MRPL3: variants seen among roughly 807,000 people sequenced by gnomAD.
The protein encoded by MRPL3 is large ribosomal subunit protein uL3m.
A neutral mutation model predicts 44.3 loss-of-function variants in MRPL3; 43 were observed. The observed-to-expected ratio is 0.97, with a 90% confidence interval of 0.76 to 1.25. The LOEUF is 1.25. MRPL3 is among the 50% of genes most tolerant of loss of function. MRPL3 has a pLI of 0.00. For synonymous variants in MRPL3, 171 were observed against 152.3 expected, an observed-to-expected ratio of 1.12 and a Z score of -0.91; for missense variants, 406 against 427.6, an observed-to-expected ratio of 0.95 and a Z score of 0.45.
At position 131,487,741 on chromosome 3, in the gene MRPL3, C is replaced by T; in HGVS notation, c.569-1G>A. The T allele has an allele frequency of 6.2e-7, 1 of 1,606,350 alleles. No individual in the cohort carries two copies. The highest frequency in any genetic ancestry group is 8.5e-7 in the Non-Finnish European group (1 of 1,177,992). ...AAGTGAGCAGCATAAAGAGGAGTGC[C>T]TTTATGAAAAGAAAATGAAAAATCA... On this transcript the variant is annotated splice_acceptor_variant, in intron 5 of 9. Coordinates refer to ENST00000264995, the MANE Select transcript of MRPL3 (RefSeq NM_007208.4). LOFTEE classifies it high-confidence loss of function.
At chr3:131,465,626 A>G (rs1933583448) in intron 9 of MRPL3, among the ~76,000 whole-genome samples, 1 of 152,178 alleles carries the variant, frequency 6.6e-6, no homozygotes, top group Admixed American at 6.5e-5. Flanking sequence ...TATAAAAAAT[A>G]ATCCTTCTCC....
Position 131,468,162 on chromosome 3 carries a change from T to G in MRPL3, c.823A>C (p.Arg275=), listed in dbSNP as rs1033754328. The G allele has an allele frequency of 6.3e-7, 1 of 1,582,938 alleles. No individual in the cohort carries two copies. The highest frequency in any genetic ancestry group is 8.6e-7 in the Non-Finnish European group (1 of 1,167,542). The change falls in exon 9 of 10, where the codon AGA becomes CGA. Residue 275 remains arginine (R), a synonymous_variant. Coordinates refer to ENST00000264995, the MANE Select transcript of MRPL3 (RefSeq NM_007208.4). The stretch of plus-strand genomic sequence containing the variant: ...ATTATGTTGTGCTTTGTGTTTATTC[T>G]CCACACCTAAAGCATGAAATAAAAC... The part of the protein sequence containing the change: ...YRTEYGLKVW[R]INTKHNIIYV...
chr3:131,499,312 T>C (rs73870984), intron 3 of MRPL3, among the ~76,000 whole-genome samples: 11,105 of 152,250 alleles, frequency 0.073, 1,257 homozygotes, highest in African/African-American at 0.24. Flanking sequence ...ACTTGGGTTA[T>C]TTCTAGTTTG....
chr3:131,478,102 A>G (rs1303282796), intron 6 of MRPL3, among the ~76,000 whole-genome samples: 1 of 152,216 alleles, frequency 6.6e-6, no homozygotes, highest in Non-Finnish European at 1.5e-5. Flanking sequence ...TAATGGCAGA[A>G]TAAGTTAGTT....
chr3:131,502,046 T>TGG (rs1934511183), intron 1 of MRPL3: 5 of 745,930 alleles, frequency 6.7e-6, no homozygotes, highest in Non-Finnish European at 1.1e-5. Context: ...TTACATTCAG[T>TGG]GGAGGTGGCA....
chr3:131,492,099 G>A (rs1005904103), intron 4 of MRPL3, among the ~76,000 whole-genome samples: 2 of 152,180 alleles, frequency 1.3e-5, no homozygotes, highest in African/African-American at 4.8e-5. Context: ...ATTTTTGCAT[G>A]ACTGGCTCCC....
At chr3:131,487,815 T>C (rs1934163201) in intron 5 of MRPL3, 75 bp from the exon 6 acceptor site, 2 of 1,180,946 alleles carry the variant, frequency 1.7e-6, no homozygotes, top group Non-Finnish European at 2.5e-6. Context: ...ATAAACTATA[T>C]CCAGGAAGGC....
chr3:131,468,083 A>T lies in MRPL3; in HGVS notation c.894+8T>A. 1 of 1,487,916 alleles carries T rather than the reference A, an allele frequency of 6.7e-7. No homozygotes were observed. The highest frequency in any genetic ancestry group is 1.4e-5 in the African/African-American group (1 of 69,864). 92.2% of individuals were successfully genotyped at this position (1,487,916 alleles called of 1,614,324 possible). On this transcript the variant is annotated splice_region_variant and intron_variant, in intron 9 of 9. Transcript: ENST00000264995. ...AAAAGGAAAAAAAAAGAAGACACTT[A>T]TACTTACCTTTACTAAGCAATTTTT...
At position 131,465,463 on chromosome 3, in the gene MRPL3, C is replaced by T. The variant is rs542073708; in HGVS notation, c.895-2588G>A. On this transcript the variant is annotated intron_variant, in intron 9 of 9. Coordinates refer to ENST00000264995, the MANE Select transcript of MRPL3 (RefSeq NM_007208.4). ...TGGTAACAGGGATATTGTAGAAGTA[C>T]TTGAGAAGATGTTGTAGTAGTACTT... Among the ~76,000 whole-genome samples the T allele has an allele frequency of 2.6e-5, 4 of 152,222 alleles. No individual in the cohort carries two copies. The South Asian group carries it at 6.2e-4, about 24-fold the overall frequency.
Position 131,476,621 on chromosome 3 carries a change from G to A in MRPL3, c.630-5342C>T, listed in dbSNP as rs7642769. Among the ~76,000 whole-genome samples, 552 of 152,174 alleles carry A rather than the reference G, an allele frequency of 3.6e-3. 2 individuals carry two copies. The highest frequency in any genetic ancestry group is 0.012 in the African/African-American group (517 of 41,526). The stretch of plus-strand genomic sequence containing the variant: ...AAAGAACATAGAGATCCCAATTTTA[G>A]TTAGATATATTTGAAAATTAAGAAG... On this transcript the variant is annotated intron_variant, in intron 6 of 9. Transcript: ENST00000264995.
At chr3:131,500,333 G>T in intron 3 of MRPL3, 97 bp downstream of exon 3, 2 of 954,542 alleles carry the variant, frequency 2.1e-6, no homozygotes, top group Non-Finnish European at 3.3e-6. Flanking sequence ...TCACCATACA[G>T]TTCCATGTTT....
In MRPL3 at chr3:131,502,713, C is replaced by T. The variant is rs1243377161; in HGVS notation, c.92+17G>A. 2.5e-6 allele frequency: 4 copies of T among 1,599,892 alleles called. No individual in the cohort carries two copies. The East Asian group carries it at 9.0e-5, about 36-fold the overall frequency. ...AGGACGCAACTGTGCAGGTAGGACA[C>T]CCTCACACCTTCCTACCTGTTCCCC... On this transcript the variant is annotated intron_variant, in intron 1 of 9. Coordinates refer to ENST00000264995, the MANE Select transcript of MRPL3 (RefSeq NM_007208.4).
At chr3:131,501,354 TA>T (rs1214246797) in intron 2 of MRPL3, among the ~76,000 whole-genome samples, 176 bp downstream of exon 2, 29 of 152,246 alleles carry the variant, frequency 1.9e-4, no homozygotes, top group African/African-American at 7.0e-4. Context: ...AGACATTCAC[TA>T]AAACTAGACT....
At chr3:131,469,322 C>T (rs1221287916) in intron 8 of MRPL3, among the ~76,000 whole-genome samples, 1 of 151,316 alleles carries the variant, frequency 6.6e-6, no homozygotes, top group East Asian at 2.0e-4. Context: ...GGCACAGCAA[C>T]ATACACACGT....
At position 131,487,390 on chromosome 3, in the gene MRPL3, T is replaced by C. The variant is rs533704286; in HGVS notation, c.629+290A>G. 11 of 276,656 alleles carry C rather than the reference T, an allele frequency of 4.0e-5. No individual in the cohort carries two copies. The Admixed American group carries it at 5.8e-4, about 15-fold the overall frequency. 17.1% of individuals were successfully genotyped at this position (276,656 alleles called of 1,614,324 possible). A position where few individuals can be genotyped will look rare whatever the true frequency, so the allele number is the denominator to read the frequency against. ...GTGCAGCAAACCAACATGGCACACG[T>C]CTACCTATGTATCAAACCTGCACGT... On this transcript the variant is annotated intron_variant, in intron 6 of 9. Transcript: ENST00000264995.
intron 3 of MRPL3, among the ~76,000 whole-genome samples, chr3:131,498,665 G>A (rs1934426130): frequency 7.7e-6 from 1 of 130,296 alleles, no homozygotes; most frequent in Non-Finnish European, 1.5e-5. Flanking sequence ...TCGTGCCACT[G>A]CACTCCAGCC....
rs1933510759 is a variant in MRPL3 at position 131,462,458 on chromosome 3, T to TATGTAGTAAAAA, written c.*264_*265insTTTTTACTACAT. 3.5e-6 allele frequency: 1 copy of TATGTAGTAAAAA among 286,594 alleles called. No homozygotes were observed. Among genetic ancestry groups the TATGTAGTAAAAA allele is most frequent in the Middle Eastern group, 9.8e-4 (1 of 1,024 alleles). 17.8% of individuals were successfully genotyped at this position (286,594 alleles called of 1,614,324 possible). The stretch of plus-strand genomic sequence containing the variant: ...TTGGGAAATATGTAGTAAAAAAGAA[T>TATGTAGTAAAAA]CGAGTCCACAAATTAAGAATATTTT... On this transcript the variant is annotated 3_prime_UTR_variant, in exon 10 of 10. Transcript: ENST00000264995.
chr3:131,487,102 A>G (rs1582713715), intron 6 of MRPL3: 1 of 152,438 alleles, frequency 6.6e-6, no homozygotes, highest in Non-Finnish European at 1.5e-5. Context: ...GCACATATAC[A>G]CCATGGAATA....
intron 6 of MRPL3, among the ~76,000 whole-genome samples, chr3:131,481,303 T>C (rs1334880327): frequency 6.6e-6 from 1 of 152,192 alleles, no homozygotes; most frequent in Non-Finnish European, 1.5e-5. Flanking sequence ...ATATTTTCTA[T>C]TCAGGAAAAC....
Sources: allele counts gnomAD v4.1 joint callset (sites outside exome capture counted in the v4.1 genomes callset), GRCh38; gene constraint gnomAD v4.1.1; transcripts MANE v1.5; gene names NCBI Gene and HGNC (gene_info 2026-07-23, HGNC 2026-07-21).